The following MED12L variants were observed in gnomAD, a reference collection of about 807,000 sequenced individuals.
MED12L encodes the protein mediator of RNA polymerase II transcription subunit 12-like protein.
A neutral mutation model predicts 281.3 loss-of-function variants in MED12L; 60 were observed. That is an observed-to-expected ratio of 0.21 (90% CI 0.17 to 0.26). The LOEUF (loss-of-function observed/expected upper bound fraction) is 0.26, where lower values mean the gene tolerates loss of function less well. Ranked by LOEUF, MED12L falls within the 10% of genes least tolerant of loss-of-function variation. The probability of loss-of-function intolerance (pLI) is 1.00; values close to 1 mark genes in which losing one functional copy is unlikely to be tolerated. For missense variants in MED12L, 2,146 were observed against 2,680.9 expected, an observed-to-expected ratio of 0.80 and a Z score of 4.41; for synonymous variants, 974 against 987.2, an observed-to-expected ratio of 0.99 and a Z score of 0.25.
At position 151,404,593 on chromosome 3, in the gene MED12L, A is replaced by C. The variant is rs187215586; in HGVS notation, c.5821-4650A>C. 1.3e-3 allele frequency among the ~76,000 whole-genome samples: 201 copies of C among 152,180 alleles called. 2 individuals carry two copies. The highest frequency in any genetic ancestry group is 0.013 in the Admixed American group (193 of 15,294). On this transcript the variant is annotated intron_variant, in intron 39 of 44. Transcript: ENST00000687756. ...TTCCAAACTAGGAGTTATAAATAAA[A>C]CCCTTTCTGCTAGGTGACTTGTAAA... is the stretch of plus-strand genomic sequence containing the variant.
intron 16 of MED12L, among the ~76,000 whole-genome samples, chr3:151,219,937 A>G (rs1244469700): frequency 1.5e-5 from 2 of 132,442 alleles, no homozygotes; most frequent in African/African-American, 2.8e-5. Context: ...AATTTATCAA[A>G]TGACTGAATA....
At chr3:151,101,254 A>G (rs1460859943) in intron 2 of MED12L, among the ~76,000 whole-genome samples, 1 of 152,230 alleles carries the variant, frequency 6.6e-6, no homozygotes, top group Non-Finnish European at 1.5e-5. Context: ...TAGAGTGTAC[A>G]AAGTGCCACA....
Position 151,188,408 on chromosome 3 carries a change from C to T in MED12L, c.1681C>T (p.Leu561Phe). Residue 561 changes from leucine (L) to phenylalanine (F), a missense_variant, in exon 13 of 45, where the codon CTT (leucine) becomes TTT (phenylalanine). This residue lies in a region of MED12L where 722 missense variants were observed against 861.2 expected (regional missense o/e 0.84). Transcript: ENST00000687756. ...GAAGGAGTCTATTTCTTCATCCTCT[C>T]TTGCTGGATCCAGTTTGCCTGTTTT... is the stretch of plus-strand genomic sequence containing the variant. ...DEKESISSSS[L>F]AGSSLPVFQN... 1.2e-6 allele frequency: 2 copies of T among 1,612,102 alleles called. No homozygotes were observed. The highest frequency in any genetic ancestry group is 1.7e-6 in the Non-Finnish European group (2 of 1,178,252).
chr3:151,276,506 T>C (rs780802668), intron 16 of MED12L, among the ~76,000 whole-genome samples: 5 of 152,234 alleles, frequency 3.3e-5, no homozygotes, highest in African/African-American at 1.2e-4. Flanking sequence ...TTTGGTATTC[T>C]AGAGACTGCT....
chr3:151,400,256 T>G (rs1560126814), intron 39 of MED12L, among the ~76,000 whole-genome samples: 1 of 152,268 alleles, frequency 6.6e-6, no homozygotes, highest in African/African-American at 2.4e-5. Flanking sequence ...TGATTTTTTC[T>G]TTCAGTATAT....
intron 21 of MED12L, 71 bp from the exon 22 acceptor site, chr3:151,364,908 C>T (rs1577450715): frequency 9.1e-7 from 1 of 1,096,670 alleles, no homozygotes; most frequent in East Asian, 2.4e-5. Flanking sequence ...TTAATATGTC[C>T]TTAAGTGAAA....
At chr3:151,355,358 T>A in intron 18 of MED12L, 119 bp downstream of exon 18, 1 of 645,254 alleles carries the variant, frequency 1.5e-6, no homozygotes, top group Non-Finnish European at 2.7e-6. Flanking sequence ...ATAAACATAC[T>A]TGGAAGTATC....
chr3:151,168,596 T>A (rs897722500), intron 11 of MED12L, among the ~76,000 whole-genome samples: 1 of 152,244 alleles, frequency 6.6e-6, no homozygotes, highest in East Asian at 1.9e-4. Flanking sequence ...TCAGAAAGAC[T>A]TGATGAAAAC....
chr3:151,102,498 C>T (rs1721507808), intron 2 of MED12L, among the ~76,000 whole-genome samples: 1 of 152,070 alleles, frequency 6.6e-6, no homozygotes, highest in Non-Finnish European at 1.5e-5. Context: ...GAGACATTTC[C>T]ATTCTCTTTC....
intron 3 of MED12L, among the ~76,000 whole-genome samples, chr3:151,120,234 AC>A (rs1300161482): frequency 6.6e-6 from 1 of 151,820 alleles, no homozygotes; most frequent in Non-Finnish European, 1.5e-5. Context: ...AAAAAAAAAA[AC>A]AAAACGAAAA....
chr3:151,145,543 C>T (rs903698336), intron 5 of MED12L, among the ~76,000 whole-genome samples: 2 of 152,160 alleles, frequency 1.3e-5, no homozygotes, highest in Non-Finnish European at 2.9e-5. Flanking sequence ...ACTGGGAAAC[C>T]TGGGTAAGAT....
intron 16 of MED12L, among the ~76,000 whole-genome samples, chr3:151,272,493 T>A (rs1358444037): frequency 2.6e-5 from 4 of 152,210 alleles, no homozygotes; most frequent in Admixed American, 2.6e-4. Context: ...TATTTCCTCC[T>A]CCCAAATTCC....
intron 16 of MED12L, among the ~76,000 whole-genome samples, chr3:151,346,724 C>G (rs1752593377): frequency 6.6e-6 from 1 of 152,078 alleles, no homozygotes; most frequent in Non-Finnish European, 1.5e-5. Flanking sequence ...CTCTCTTAGC[C>G]CTTCTTCCCT....
rs189243161 is a variant in MED12L at position 151,188,325 on chromosome 3, T to C, written c.1627-29T>C. 6.3e-4 allele frequency: 977 copies of C among 1,561,646 alleles called. 3 individuals carry two copies. The highest frequency in any genetic ancestry group is 5.9e-4 in the Admixed American group (34 of 58,054). On this transcript the variant is annotated intron_variant, in intron 12 of 44. Coordinates refer to ENST00000687756, the MANE Select transcript of MED12L (RefSeq NM_001393769.1). ...TCTGTTATGACTATACTTCTGTAAT[T>C]AACTTTGTTATTTATTTTTAATCTG...
intron 16 of MED12L, among the ~76,000 whole-genome samples, chr3:151,233,478 A>G (rs1198012861): frequency 6.6e-6 from 1 of 152,248 alleles, no homozygotes; most frequent in African/African-American, 2.4e-5. Flanking sequence ...TCCCGCCTGT[A>G]ATCCCAACAC....
intron 2 of MED12L, among the ~76,000 whole-genome samples, chr3:151,113,190 C>T (rs1471360233): frequency 1.3e-5 from 2 of 152,010 alleles, no homozygotes. Context: ...GAAATTTGAG[C>T]AAAAAGTTAA....
At position 151,128,502 on chromosome 3, in the gene MED12L, T is replaced by C. The variant is rs114283995; in HGVS notation, c.556+518T>C. 5.2e-3 allele frequency among the ~76,000 whole-genome samples: 766 copies of C among 148,652 alleles called. 4 individuals are homozygous for C. The highest frequency in any genetic ancestry group is 0.016 in the South Asian group (71 of 4,336). On this transcript the variant is annotated intron_variant, in intron 5 of 44. Transcript: ENST00000687756. ...CCACCCCCGGCTCCCCCCCTTCCTG[T>C]GATGTTCCAGCCACAGTGCCTTCCT...
intron 16 of MED12L, among the ~76,000 whole-genome samples, chr3:151,280,601 C>T (rs1742650148): frequency 6.6e-6 from 1 of 151,842 alleles, no homozygotes; most frequent in Non-Finnish European, 1.5e-5. Context: ...TAAAACAAAA[C>T]CTGAGTGTGC....
intron 16 of MED12L, among the ~76,000 whole-genome samples, chr3:151,291,692 A>G (rs1744275942): frequency 6.6e-6 from 1 of 152,186 alleles, no homozygotes; most frequent in Admixed American, 6.5e-5. Context: ...ATATTAATAG[A>G]GTATTATGTA....
Sources: gnomAD v4.1 joint callset for allele counts (sites outside exome capture counted in the v4.1 genomes callset) on GRCh38, gnomAD v4.1.1 for gene constraint, gnomAD v4.1.1 regional missense constraint, MANE v1.5 for transcripts, NCBI Gene and HGNC (gene_info 2026-07-23, HGNC 2026-07-21) for gene names.